SLC28A1: variants seen among roughly 807,000 people sequenced by gnomAD.
The protein encoded by SLC28A1 is solute carrier family 28 member 1.
SLC28A1 carries 64 observed loss-of-function variants against 74.8 expected under a neutral mutation model. That is an observed-to-expected ratio of 0.86 (90% CI 0.70 to 1.05). The LOEUF (loss-of-function observed/expected upper bound fraction) is 1.05. Among genes scored for constraint, SLC28A1 ranks in the 50% least tolerant of loss-of-function variants. The pLI is 0.00. For synonymous variants in SLC28A1, 359 were observed against 335.0 expected, an observed-to-expected ratio of 1.07 and a Z score of -0.78; for missense variants, 828 against 822.8, an observed-to-expected ratio of 1.01 and a Z score of -0.08.
chr15:84,975,343 T>A, the SLC28A1 span, among the ~76,000 whole-genome samples: 1 of 152,234 alleles, frequency 6.6e-6, no homozygotes, highest in Non-Finnish European at 1.5e-5. Context: ...ACTAATGATG[T>A]TATCTCCAGC....
At chr15:84,943,400 C>A (rs1972936552) in intron 15 of SLC28A1, 45 bp from the exon 16 acceptor site, 1 of 1,413,286 alleles carries the variant, frequency 7.1e-7, no homozygotes, top group Non-Finnish European at 1.0e-6. Flanking sequence ...GTGCCCCAGG[C>A]CCATCTGAGG....
At chr15:84,959,476 C>CT in the SLC28A1 span, among the ~76,000 whole-genome samples, 1,687 of 147,784 alleles carry the variant, frequency 0.011, 28 homozygotes, top group African/African-American at 0.038. Context: ...TCTGAAACTC[C>CT]TTTTTTTTTT....
At chr15:84,970,627 C>T in the SLC28A1 span, among the ~76,000 whole-genome samples, 1 of 152,132 alleles carries the variant, frequency 6.6e-6, no homozygotes, top group South Asian at 2.1e-4. Context: ...ATTTGGTTCT[C>T]ACCTTTTGCT....
Sources: gnomAD v4.1 joint callset for allele counts (sites outside exome capture counted in the v4.1 genomes callset) on GRCh38, gnomAD v4.1.1 for gene constraint, MANE v1.5 for transcripts, NCBI Gene and HGNC (gene_info 2026-07-23, HGNC 2026-07-21) for gene names.